Variants in RGS20 observed in about 807,000 individuals in gnomAD.
RGS20 encodes regulator of G protein signaling 20, also known as gz-selective GTPase-activating protein.
A neutral mutation model predicts 33.6 loss-of-function variants in RGS20; 30 were observed. The ratio of observed to expected loss-of-function variants is 0.89; its 90% CI spans 0.67 to 1.21. RGS20 has a LOEUF of 1.21. RGS20 is among the 50% of genes most tolerant of loss of function. The pLI is 0.00. For missense variants in RGS20, 472 were observed against 502.4 expected (o/e 0.94, Z 0.58); for synonymous variants, 208 against 197.9 (o/e 1.05, Z -0.43).
At chr8:53,946,793 C>A in intron 4 of RGS20, 45 bp downstream of exon 3, 1 of 1,473,974 alleles carries the variant, frequency 6.8e-7, no homozygotes, top group Non-Finnish European at 9.5e-7. Flanking sequence ...AACAGAAATA[C>A]TAACCTCTTT....
At chr8:53,863,099 TGCCTCA>T (rs2129268520) in intron 1 of RGS20, among the ~76,000 whole-genome samples, 2 of 152,274 alleles carry the variant, frequency 1.3e-5, no homozygotes, top group East Asian at 3.9e-4. Flanking sequence ...GGGATTCTCC[TGCCTCA>T]GCCTCCCGAG....
At chr8:53,936,854 G>A (rs1814149424) in intron 2 of RGS20, among the ~76,000 whole-genome samples, 1 of 152,202 alleles carries the variant, frequency 6.6e-6, no homozygotes, top group Non-Finnish European at 1.5e-5. Context: ...ATACTACAAT[G>A]TTGTAGTAAC....
At chr8:53,885,262 C>T (rs1164279062) in intron 2 of RGS20, among the ~76,000 whole-genome samples, 2 of 152,182 alleles carry the variant, frequency 1.3e-5, no homozygotes, top group Non-Finnish European at 2.9e-5. Flanking sequence ...ATTCACCTTC[C>T]ATGGACAGAT....
chr8:53,868,587 A>G (rs1330948803), intron 1 of RGS20, among the ~76,000 whole-genome samples: 1 of 152,182 alleles, frequency 6.6e-6, no homozygotes, highest in Non-Finnish European at 1.5e-5. Context: ...TTCTTATAAT[A>G]AAGATAAGTA....
intron 2 of RGS20, among the ~76,000 whole-genome samples, chr8:53,887,763 G>C (rs1319829139): frequency 6.6e-6 from 1 of 151,992 alleles, no homozygotes; most frequent in Non-Finnish European, 1.5e-5. Context: ...GATCACTTGA[G>C]CCCAGGAGTT....
chr8:53,852,580 A>G (rs1811590746), intron 1 of RGS20, among the ~76,000 whole-genome samples: 1 of 152,178 alleles, frequency 6.6e-6, no homozygotes, highest in South Asian at 2.1e-4. Context: ...TCAGTAGGTA[A>G]TAACATTATT....
At chr8:53,878,206 T>C (rs1372660906) in intron 1 of RGS20, among the ~76,000 whole-genome samples, 1 of 152,232 alleles carries the variant, frequency 6.6e-6, no homozygotes, top group Non-Finnish European at 1.5e-5. Flanking sequence ...TTGGCCGAGC[T>C]ACATTCCGGT....
At chr8:53,901,014 C>T (rs963812203) in intron 2 of RGS20, among the ~76,000 whole-genome samples, 3 of 151,904 alleles carry the variant, frequency 2.0e-5, no homozygotes, top group Non-Finnish European at 2.9e-5. Flanking sequence ...TGTACTCTCT[C>T]GACCTCGGTC....
intron 2 of RGS20, among the ~76,000 whole-genome samples, chr8:53,907,262 G>A (rs1336598984): frequency 1.3e-5 from 2 of 152,110 alleles, no homozygotes; most frequent in Non-Finnish European, 2.9e-5. Flanking sequence ...TGTTTTCTAT[G>A]TCTTGTTAGC....
chr8:53,872,925 C>G (rs1812112899), intron 1 of RGS20, among the ~76,000 whole-genome samples: 1 of 152,102 alleles, frequency 6.6e-6, no homozygotes, highest in Non-Finnish European at 1.5e-5. Flanking sequence ...TTCCAGAACT[C>G]TTTTATCTTC....
intron 2 of RGS20, among the ~76,000 whole-genome samples, chr8:53,895,922 C>T (rs1281832632): frequency 6.6e-6 from 1 of 151,214 alleles, no homozygotes; most frequent in Admixed American, 6.6e-5. Context: ...GCTGGGTTTA[C>T]AGGCATGAGC....
chr8:53,912,145 T>C (rs527746255), intron 2 of RGS20, among the ~76,000 whole-genome samples: 8 of 152,324 alleles, frequency 5.3e-5, no homozygotes, highest in African/African-American at 1.9e-4. Flanking sequence ...TTGAGTGCTA[T>C]GTGTTGCAAG....
At chr8:53,887,447 C>T (rs990844850) in intron 2 of RGS20, among the ~76,000 whole-genome samples, 3 of 152,092 alleles carry the variant, frequency 2.0e-5, no homozygotes, top group African/African-American at 7.2e-5. Flanking sequence ...GGGTGATGAT[C>T]GTCCCTGTAA....
In RGS20 at chr8:53,877,046, C is replaced by A. The variant is rs887302121; in HGVS notation, c.166-2212C>A. ...ACGAGTTCGCACGTTCTCACAAAACCATTTGAAAACATGAGCTGGAGACGC... is the reference window on the plus strand; with the variant it reads ...ACGAGTTCGCACGTTCTCACAAAACAATTTGAAAACATGAGCTGGAGACGC... On this transcript the variant is annotated intron_variant, in intron 1 of 5. Coordinates refer to ENST00000297313, the MANE Select transcript of RGS20 (RefSeq NM_170587.4). The surrounding 1 kb of genome is among the most constrained non-coding windows in gnomAD (Gnocchi z 5.7). 1.3e-5 allele frequency among the ~76,000 whole-genome samples: 2 copies of A among 152,298 alleles called. No individual in the cohort carries two copies. The highest frequency in any genetic ancestry group is 2.9e-5 in the Non-Finnish European group (2 of 68,024).
At chr8:53,881,066 C>G in intron 2 of RGS20, 1 of 1,548,972 alleles carries the variant, frequency 6.5e-7, no homozygotes, top group Non-Finnish European at 8.6e-7. Context: ...CCCCGGCCGG[C>G]AGGGTGGACG....
chr8:53,901,360 G>A (rs547327445), intron 2 of RGS20, among the ~76,000 whole-genome samples: 176 of 152,166 alleles, frequency 1.2e-3, no homozygotes, highest in Admixed American at 3.3e-3. Context: ...GAACCACCGC[G>A]CCCAGCCTAT....
chr8:53,958,237 T>G (rs571183125), intron 5 of RGS20, 33 bp from the exon 5 acceptor site: 1 of 1,537,394 alleles, frequency 6.5e-7, no homozygotes, highest in Non-Finnish European at 8.8e-7. Context: ...AACTGAAGTC[T>G]CTAATACAGC....
At chr8:53,880,877 A>C (rs929440867) in intron 2 of RGS20, 15 of 1,462,954 alleles carry the variant, frequency 1.0e-5, no homozygotes, top group African/African-American at 1.4e-5. Flanking sequence ...GAGGCAGAGC[A>C]AGGGGAGGAA....
intron 2 of RGS20, among the ~76,000 whole-genome samples, chr8:53,890,757 G>A (rs1812690692): frequency 6.6e-6 from 1 of 152,218 alleles, no homozygotes. Flanking sequence ...AACCTCCTGA[G>A]TAGCTGGGAT....
Sources: allele counts gnomAD v4.1 joint callset (sites outside exome capture counted in the v4.1 genomes callset), GRCh38; gene constraint gnomAD v4.1.1; non-coding constraint Gnocchi (gnomAD v3.1); transcripts MANE v1.5; gene names NCBI Gene and HGNC (gene_info 2026-07-23, HGNC 2026-07-21).